Variants in USP9X observed in about 807,000 individuals in gnomAD.
The protein encoded by USP9X is ubiquitin specific peptidase 9 X-linked, also known as ubiquitin carboxyl-terminal hydrolase 9X.
A neutral mutation model predicts 190.3 loss-of-function variants in USP9X; 7 were observed. That is an observed-to-expected ratio of 0.04 (90% CI 0.02 to 0.07). The LOEUF (loss-of-function observed/expected upper bound fraction) is 0.07, where lower values mean the gene tolerates loss of function less well. USP9X is among the 10% of genes least tolerant of loss of function. USP9X has a pLI of 1.00. For synonymous variants in USP9X, 645 were observed against 659.5 expected, an observed-to-expected ratio of 0.98 and a Z score of 0.34; for missense variants, 1,010 against 1,916.9, an observed-to-expected ratio of 0.53 and a Z score of 8.83.
At chrX:41,167,199 T>G in intron 16 of USP9X, 1 of 198,472 alleles carries the variant, frequency 5.0e-6, no homozygotes, top group South Asian at 7.7e-5. Context: ...CACTTGGTTA[T>G]CAAGATATTA....
At chrX:41,206,712 C>T (rs1436605675) in intron 32 of USP9X, among the ~76,000 whole-genome samples, 1 of 110,729 alleles carries the variant, frequency 9.0e-6, no homozygotes, top group Non-Finnish European at 1.9e-5. Context: ...TGAGGAGTGA[C>T]ATTATAATGT....
chrX:41,200,500 A>T (rs1220872699), intron 30 of USP9X, among the ~76,000 whole-genome samples: 1 of 111,914 alleles, frequency 8.9e-6, no homozygotes, highest in Non-Finnish European at 1.9e-5. Flanking sequence ...TCAAAATAGC[A>T]TTATAGATAT....
At chrX:41,212,110 T>G (rs1279984600) in intron 33 of USP9X, among the ~76,000 whole-genome samples, 2 of 111,710 alleles carry the variant, frequency 1.8e-5, no homozygotes, top group African/African-American at 3.2e-5. Context: ...CATTTTGTTC[T>G]GTACTAAGAA....
At chrX:41,130,876 C>T (rs184626132) in intron 3 of USP9X, among the ~76,000 whole-genome samples, 2 of 111,014 alleles carry the variant, frequency 1.8e-5, no homozygotes, top group East Asian at 2.8e-4. Flanking sequence ...CAGGCATGTG[C>T]CATCACACCT....
At chrX:41,168,668 G>T (rs765280889) in intron 18 of USP9X, among the ~76,000 whole-genome samples, 8 of 111,091 alleles carry the variant, frequency 7.2e-5, no homozygotes, top group African/African-American at 1.3e-4. Flanking sequence ...AATTTTTTTT[G>T]ACTTTTTGTG....
chrX:41,095,482 AT>A (rs1355720894), intron 1 of USP9X, among the ~76,000 whole-genome samples: 1 of 112,298 alleles, frequency 8.9e-6, no homozygotes, highest in African/African-American at 3.2e-5. Context: ...CCCCACTCAT[AT>A]GTCTTCAGAC....
chrX:41,180,080 A>G (rs1049545875), intron 21 of USP9X, among the ~76,000 whole-genome samples: 2 of 111,773 alleles, frequency 1.8e-5, no homozygotes, highest in Non-Finnish European at 3.8e-5. Flanking sequence ...TAGTTGACAT[A>G]ATTTTTAAAG....
At chrX:41,088,115 C>G (rs2061926923) in intron 1 of USP9X, among the ~76,000 whole-genome samples, 1 of 111,997 alleles carries the variant, frequency 8.9e-6, no homozygotes, top group African/African-American at 3.2e-5. Flanking sequence ...TCCCTGGTAG[C>G]TGGGACTACA....
At position 41,223,417 on chromosome X, in the gene USP9X, T is replaced by C; in HGVS notation, c.6751+15T>C. ...TTCAATCAATGGTAAATTTGAATGCTCCATTCTTTACACTAGTTTTGTTTG... is the reference window on the plus strand; with the variant it reads ...TTCAATCAATGGTAAATTTGAATGCCCCATTCTTTACACTAGTTTTGTTTG... On this transcript the variant is annotated intron_variant, in intron 39 of 44. Coordinates refer to ENST00000378308, the MANE Select transcript of USP9X (RefSeq NM_001039591.3). The C allele has an allele frequency of 8.3e-7, 1 of 1,203,246 alleles. No homozygotes were observed. Among genetic ancestry groups the C allele is most frequent in the Non-Finnish European group, 1.1e-6 (1 of 888,363 alleles).
intron 13 of USP9X, among the ~76,000 whole-genome samples, chrX:41,152,074 A>G (rs1254085574): frequency 8.9e-6 from 1 of 112,505 alleles, no homozygotes; most frequent in African/African-American, 3.2e-5. Flanking sequence ...TACTATGATT[A>G]TACCTCAGAC....
At chrX:41,161,612 A>C (rs1011598649) in intron 14 of USP9X, among the ~76,000 whole-genome samples, 1 of 92,709 alleles carries the variant, frequency 1.1e-5, no homozygotes, top group Non-Finnish European at 2.1e-5. Flanking sequence ...CTAGGATTAC[A>C]GGCGTGAGCC....
chrX:41,147,223 G>A (rs2062474148), intron 11 of USP9X, among the ~76,000 whole-genome samples: 1 of 107,932 alleles, frequency 9.3e-6, no homozygotes, highest in Non-Finnish European at 1.9e-5. Context: ...GTGGTGGTGT[G>A]CTTTTCCTTG....
At chrX:41,113,332 C>G (rs1601942656) in intron 1 of USP9X, among the ~76,000 whole-genome samples, 1 of 110,905 alleles carries the variant, frequency 9.0e-6, no homozygotes, top group East Asian at 2.8e-4. Context: ...TCCCGAGTAG[C>G]TGGGACTTCA....
chrX:41,204,337 C>A (rs866578646), intron 31 of USP9X, among the ~76,000 whole-genome samples: 1 of 110,273 alleles, frequency 9.1e-6, no homozygotes, highest in Non-Finnish European at 1.9e-5. Flanking sequence ...CAGATACTTT[C>A]TTTTGTTGCC....
At chrX:41,154,444 T>C (rs779855565) in intron 14 of USP9X, among the ~76,000 whole-genome samples, 3 of 111,510 alleles carry the variant, frequency 2.7e-5, no homozygotes, top group East Asian at 2.8e-4. Flanking sequence ...TGGAGACATA[T>C]AATTCATACG....
At chrX:41,227,959 C>T (rs1374925154) in intron 41 of USP9X, among the ~76,000 whole-genome samples, 1 of 112,120 alleles carries the variant, frequency 8.9e-6, no homozygotes, top group Admixed American at 9.4e-5. Context: ...CTCGGCCTCC[C>T]GAAGTGCTGG....
intron 31 of USP9X, among the ~76,000 whole-genome samples, chrX:41,202,647 T>G (rs1390885703): frequency 9.0e-6 from 1 of 111,157 alleles, no homozygotes; most frequent in Non-Finnish European, 1.9e-5. Flanking sequence ...GATTGGGTTC[T>G]GAGCACTTTC....
intron 31 of USP9X, among the ~76,000 whole-genome samples, chrX:41,203,694 T>C: frequency 9.0e-6 from 1 of 110,715 alleles, no homozygotes; most frequent in Admixed American, 9.6e-5. Context: ...GCTATTTTTA[T>C]TTTATTATTT....
chrX:41,136,220 C>T (rs2062371336), intron 5 of USP9X, among the ~76,000 whole-genome samples: 1 of 111,713 alleles, frequency 9.0e-6, no homozygotes, highest in East Asian at 2.8e-4. Context: ...AGTGCAGTGG[C>T]GCCATCTTGG....
Sources: gnomAD v4.1 joint callset for allele counts (sites outside exome capture counted in the v4.1 genomes callset) on GRCh38, gnomAD v4.1.1 for gene constraint, MANE v1.5 for transcripts, NCBI Gene and HGNC (gene_info 2026-07-23, HGNC 2026-07-21) for gene names.